Variants in SAMTOR observed in about 807,000 individuals in gnomAD.
The protein encoded by SAMTOR is UPF0532 protein C7orf60.
the SAMTOR span, among the ~76,000 whole-genome samples, chr7:112,827,154 T>C: frequency 3.3e-5 from 5 of 152,234 alleles, no homozygotes; most frequent in Admixed American, 3.3e-4. Context: ...GCTTTCACTC[T>C]ATTTGTGTCT....
chr7:112,891,898 G>C, the SAMTOR span, among the ~76,000 whole-genome samples: 1 of 152,170 alleles, frequency 6.6e-6, no homozygotes, highest in African/African-American at 2.4e-5. Context: ...GGTGCTATCA[G>C]AATTTCTAAA....
the SAMTOR span, among the ~76,000 whole-genome samples, chr7:112,882,440 C>T: frequency 1.3e-5 from 2 of 152,146 alleles, no homozygotes; most frequent in Non-Finnish European, 2.9e-5. Context: ...CCTGTAATCC[C>T]AGCACTTTGG....
the SAMTOR span, among the ~76,000 whole-genome samples, chr7:112,890,845 TA>T: frequency 6.6e-6 from 1 of 151,994 alleles, no homozygotes; most frequent in Non-Finnish European, 1.5e-5. Context: ...CACATGCCAC[TA>T]CACCTGGCTT....
chr7:112,922,567 C>T, the SAMTOR span, among the ~76,000 whole-genome samples: 1 of 151,956 alleles, frequency 6.6e-6, no homozygotes, highest in African/African-American at 2.4e-5. Flanking sequence ...CTCTACCCAG[C>T]CGCCCATCGT....
the SAMTOR span, among the ~76,000 whole-genome samples, chr7:112,900,103 A>C: frequency 6.6e-6 from 1 of 151,938 alleles, no homozygotes; most frequent in Non-Finnish European, 1.5e-5. Flanking sequence ...CCAATGGGAT[A>C]AATTTATTAT....
chr7:112,933,076 T>C, the SAMTOR span, among the ~76,000 whole-genome samples: 1 of 152,204 alleles, frequency 6.6e-6, no homozygotes, highest in Non-Finnish European at 1.5e-5. Context: ...CAATCCTTAA[T>C]GCTACCCTGA....
the SAMTOR span, among the ~76,000 whole-genome samples, chr7:112,921,170 G>A: frequency 6.6e-6 from 1 of 152,202 alleles, no homozygotes; most frequent in Non-Finnish European, 1.5e-5. Context: ...CAAAGCTGGA[G>A]GCATCACGCT....
chr7:112,847,801 C>G, the SAMTOR span, among the ~76,000 whole-genome samples: 1 of 150,822 alleles, frequency 6.6e-6, no homozygotes, highest in Non-Finnish European at 1.5e-5. Flanking sequence ...AATATTACAA[C>G]TACAAGGACT....
the SAMTOR span, among the ~76,000 whole-genome samples, chr7:112,850,222 A>C: frequency 3.9e-5 from 6 of 151,986 alleles, no homozygotes; most frequent in Admixed American, 2.6e-4. Context: ...CAACAACAAA[A>C]AAAACCATCT....
chr7:112,918,740 G>C, the SAMTOR span, among the ~76,000 whole-genome samples: 3 of 152,100 alleles, frequency 2.0e-5, no homozygotes, highest in East Asian at 1.9e-4. Context: ...TCAAAATAAA[G>C]GGATGGAGGA....
the SAMTOR span, among the ~76,000 whole-genome samples, chr7:112,921,503 A>C: frequency 6.6e-6 from 1 of 150,720 alleles, no homozygotes; most frequent in Non-Finnish European, 1.5e-5. Flanking sequence ...CCTAAAAGAA[A>C]ACCTAGGCAT....
At chr7:112,836,958 AGTTTTTCTTAATTCT>A in the SAMTOR span, among the ~76,000 whole-genome samples, 1 of 152,034 alleles carries the variant, frequency 6.6e-6, no homozygotes, top group African/African-American at 2.4e-5. Context: ...ATTTTAAACT[AGTTTTTCTTAATTCT>A]GTGAAGAATG....
the SAMTOR span, among the ~76,000 whole-genome samples, chr7:112,845,590 G>C: frequency 6.6e-6 from 1 of 152,114 alleles, no homozygotes; most frequent in Non-Finnish European, 1.5e-5. Flanking sequence ...AATAACAGAT[G>C]CTGGTGAGTT....
the SAMTOR span, among the ~76,000 whole-genome samples, chr7:112,882,822 A>G: frequency 1.3e-5 from 2 of 151,844 alleles, no homozygotes; most frequent in African/African-American, 4.8e-5. Context: ...TACTAGTGTA[A>G]CATCTTTTGC....
chr7:112,923,859 C>A, the SAMTOR span, among the ~76,000 whole-genome samples: 136 of 152,126 alleles, frequency 8.9e-4, no homozygotes, highest in Middle Eastern at 3.4e-3. Flanking sequence ...AATACTATGC[C>A]GCCATAAAAA....
the SAMTOR span, among the ~76,000 whole-genome samples, chr7:112,926,497 T>G: frequency 3.9e-5 from 6 of 152,196 alleles, no homozygotes; most frequent in African/African-American, 1.4e-4. Flanking sequence ...ATTCAAACTT[T>G]GTAGGCTAAT....
chr7:112,866,365 C>T, the SAMTOR span, among the ~76,000 whole-genome samples: 2 of 152,088 alleles, frequency 1.3e-5, no homozygotes, highest in African/African-American at 4.8e-5. Context: ...GGCTATTATC[C>T]ACATAGTAAG....
At chr7:112,884,882 T>C in the SAMTOR span, among the ~76,000 whole-genome samples, 4 of 152,250 alleles carry the variant, frequency 2.6e-5, no homozygotes, top group African/African-American at 9.6e-5. Flanking sequence ...CACACTGCCC[T>C]AGCAGAGGTT....
At chr7:112,829,547 CT>C in the SAMTOR span, among the ~76,000 whole-genome samples, 1 of 152,120 alleles carries the variant, frequency 6.6e-6, no homozygotes, top group Non-Finnish European at 1.5e-5. Flanking sequence ...GTCCTATTTT[CT>C]TGCTGCTTTG....
Sources: allele counts gnomAD v4.1 joint callset (sites outside exome capture counted in the v4.1 genomes callset), GRCh38; gene constraint gnomAD v4.1.1; transcripts MANE v1.5; gene names NCBI Gene and HGNC (gene_info 2026-07-23, HGNC 2026-07-21).